PSG8: variants seen among roughly 807,000 people sequenced by gnomAD.
PSG8 encodes pregnancy-specific beta-1-glycoprotein 8.
Under a neutral mutation model 42.5 loss-of-function variants are expected in PSG8, and 57 were observed. The observed-to-expected ratio is 1.34, with a 90% CI of 1.08 to 1.67. PSG8 has a LOEUF of 1.67. PSG8 is among the 40% of genes most tolerant of loss of function. The pLI is 0.00. For synonymous variants in PSG8, 280 were observed against 196.8 expected (o/e 1.42, Z -3.54); for missense variants, 783 against 518.6 (o/e 1.51, Z -4.95).
chr19:42,763,582 C>T, intron 2 of PSG8: 1 of 403,166 alleles, frequency 2.5e-6, no homozygotes, highest in Non-Finnish European at 4.5e-6. Context: ...CTCCTCAGGC[C>T]AAGCCCTACT....
chr19:42,760,275 G>C (rs1020986584), intron 2 of PSG8, among the ~76,000 whole-genome samples: 2 of 152,070 alleles, frequency 1.3e-5, no homozygotes, highest in African/African-American at 4.8e-5. Context: ...TGTGGCAAAG[G>C]CAGTAAAACC....
intron 2 of PSG8, among the ~76,000 whole-genome samples, chr19:42,762,512 T>C (rs1382724168): frequency 6.6e-6 from 1 of 151,946 alleles, no homozygotes; most frequent in South Asian, 2.1e-4. Context: ...TAAAGAGGTT[T>C]TGGATCATTC....
chr19:42,753,278 G>T, downstream of PSG8: 2 of 779,786 alleles, frequency 2.6e-6, no homozygotes, highest in South Asian at 1.3e-5. Flanking sequence ...TCCACCTCCA[G>T]CTTATAGGGC....
chr19:42,763,767 G>C lies in PSG8; in HGVS notation c.430+149C>G, dbSNP rs537910614. The C allele has an allele frequency of 4.8e-6, 7 of 1,443,708 alleles. No individual in the cohort carries two copies. In the Admixed American group the frequency reaches 6.8e-5, roughly 14 times the overall value. 89.4% of individuals were successfully genotyped at this position (1,443,708 alleles called of 1,614,324 possible). A position where few individuals can be genotyped will look rare whatever the true frequency, so the allele number is the denominator to read the frequency against. ...TGATCTGTTGAAATTTGTCTCCTCT[G>C]TGTGTGTCCTGCACTAAATGCCCAA... On this transcript the variant is annotated intron_variant, in intron 2 of 4. Transcript: ENST00000306511.
downstream of PSG8, chr19:42,754,007 G>A (rs757461472): frequency 1.2e-4 from 97 of 779,954 alleles, no homozygotes; most frequent in Middle Eastern, 5.6e-4. Context: ...GAAAAATTCC[G>A]TCAATGTAGA....
At position 42,754,810 on chromosome 19, in the gene PSG8, T is replaced by A. The variant is rs1223161884; in HGVS notation, c.988+178A>T. 4 of 1,457,986 alleles carry A rather than the reference T, an allele frequency of 2.7e-6. No individual in the cohort carries two copies. In the African/African-American group the frequency reaches 5.7e-5, roughly 21 times the overall value. 90.3% of individuals were successfully genotyped at this position (1,457,986 alleles called of 1,614,324 possible). ...ATGACAAGAGCGTCCACTCCCCTTA[T>A]ACTCTTGGTTAAGGCTGTGCCTACC... is the stretch of plus-strand genomic sequence containing the variant. On this transcript the variant is annotated intron_variant, in intron 4 of 4. Transcript: ENST00000306511.
chr19:42,758,047 G>T lies in PSG8; in HGVS notation c.664C>A (p.Pro222Thr), dbSNP rs144055035. 6.6e-5 allele frequency: 106 copies of T among 1,613,908 alleles called. No individual in the cohort carries two copies. The highest frequency in any genetic ancestry group is 1.7e-4 in the African/African-American group (13 of 74,902). ...AGPYECEIRN[P>T]VSASRSDPFT... ...GGGTCACTGCGGCTGGCACTCACTG[G>T]GTTCCGTATTTCACATTCATAGGGT... The change falls in exon 3 of 5, where the codon CCA becomes ACA. Residue 222 changes from proline to threonine, a missense_variant. Physicochemically the swap from Pro to Thr is conservative, Grantham distance 38. Coordinates refer to ENST00000306511, the MANE Select transcript of PSG8 (RefSeq NM_182707.3).
intron 2 of PSG8, among the ~76,000 whole-genome samples, chr19:42,762,681 A>G (rs778952301): frequency 1.3e-5 from 2 of 151,940 alleles, no homozygotes; most frequent in Non-Finnish European, 2.9e-5. Context: ...ACAGGATTTC[A>G]GGTTCAGTGA....
Position 42,754,371 on chromosome 19 carries a change from C to T in PSG8, c.1205G>A (p.Gly402Asp), listed in dbSNP as rs1222942685. The change falls in exon 5 of 5, where the codon GGC becomes GAC. Residue 402 changes from glycine (G) to aspartate (D), a missense_variant. Coordinates refer to ENST00000306511, the MANE Select transcript of PSG8 (RefSeq NM_182707.3). ...TGTCATGGATTTGGAGCTTTCCTTG[C>T]CAGTGGCTGAGTTACGAACAGAGCA... Reference protein sequence around the residue: ...YACSVRNSATGKESSKSMTVK... With the variant: ...YACSVRNSATDKESSKSMTVK... 1.9e-6 allele frequency: 3 copies of T among 1,613,662 alleles called. No homozygotes were observed. Among genetic ancestry groups the T allele is most frequent in the Non-Finnish European group, 2.5e-6 (3 of 1,179,790 alleles).
chr19:42,757,628 A>G (rs1969959993), intron 3 of PSG8, among the ~76,000 whole-genome samples: 1 of 152,098 alleles, frequency 6.6e-6, no homozygotes, highest in African/African-American at 2.4e-5. Flanking sequence ...CACAGGCGAT[A>G]TTTTCAGAGG....
At chr19:42,754,853 G>A (rs1969876730) in intron 4 of PSG8, 135 bp downstream of exon 4, 2 of 1,527,620 alleles carry the variant, frequency 1.3e-6, no homozygotes, top group Non-Finnish European at 1.8e-6. Flanking sequence ...TCCCAGGGCA[G>A]GGAGTCATGG....
At chr19:42,761,029 A>ATGT (rs1970059785) in intron 2 of PSG8, among the ~76,000 whole-genome samples, 1 of 152,058 alleles carries the variant, frequency 6.6e-6, no homozygotes, top group Admixed American at 6.6e-5. Flanking sequence ...GCTCCATAGC[A>ATGT]GGTTGAGGAT....
In PSG8 at chr19:42,755,406, G is replaced by T. The variant is rs1969899337; in HGVS notation, c.710-140C>A. On this transcript the variant is annotated intron_variant, in intron 3 of 4. Coordinates refer to ENST00000306511, the MANE Select transcript of PSG8 (RefSeq NM_182707.3). The stretch of plus-strand genomic sequence containing the variant: ...CCAATAGCTGGTGCGTGTGTCACAA[G>T]ACAGATGCATGATGATCTAAGGGCT... 53 of 1,461,764 alleles carry T rather than the reference G, an allele frequency of 3.6e-5. 2 individuals carry two copies. In the South Asian group the frequency reaches 7.0e-4, roughly 19 times the overall value. 90.5% of individuals were successfully genotyped at this position (1,461,764 alleles called of 1,614,324 possible). A position where few individuals can be genotyped will look rare whatever the true frequency, so the allele number is the denominator to read the frequency against.
intron 2 of PSG8, 83 bp from the exon 3 acceptor site, chr19:42,758,363 C>A (rs1969987014): frequency 4.5e-6 from 7 of 1,556,094 alleles, no homozygotes; most frequent in Non-Finnish European, 5.2e-6. Flanking sequence ...GTTGGCATTT[C>A]CCACCTCTCA....
chr19:42,765,232 A>C (rs1970186869), intron 1 of PSG8, among the ~76,000 whole-genome samples: 1 of 150,638 alleles, frequency 6.6e-6, no homozygotes, highest in Middle Eastern at 3.2e-3. Flanking sequence ...AGCTAGCTGC[A>C]ACTTCTGCCT....
chr19:42,763,866 A>G, intron 2 of PSG8, 50 bp downstream of exon 2: 3 of 1,613,088 alleles, frequency 1.9e-6, no homozygotes, highest in East Asian at 2.2e-5. Flanking sequence ...TGTGTGAAGT[A>G]GAAGTGACCC....
Position 42,758,186 on chromosome 19 carries a change from G to A in PSG8, c.525C>T (p.Asp175=), listed in dbSNP as rs143424985. The change falls in exon 3 of 5, where the codon GAC becomes GAT. Residue 175 remains aspartate, a synonymous_variant. Coordinates refer to ENST00000306511, the MANE Select transcript of PSG8 (RefSeq NM_182707.3). ...VSLTCDPETP[D]ASYLWWMNGQ... ...CATTCATCCACCACAGGTAGCTTGC[G>A]TCCGGAGTCTCAGGATCACAGGTTA... 2.4e-5 allele frequency: 39 copies of A among 1,613,894 alleles called. 1 individual carries two copies. Among genetic ancestry groups the A allele is most frequent in the Admixed American group, 1.3e-4 (8 of 59,980 alleles).
Position 42,754,603 on chromosome 19 carries a change from T to G in PSG8, c.989-16A>C, listed in dbSNP as rs775725279. Reference sequence around the variant, plus strand: ...TCTGGACCATCTGGAGCAAAGAGAATAAAGCCACAGGTGATGTCATCTGAG... The same window carrying G: ...TCTGGACCATCTGGAGCAAAGAGAAGAAAGCCACAGGTGATGTCATCTGAG... On this transcript the variant is annotated splice_polypyrimidine_tract_variant and intron_variant, in intron 4 of 4. Transcript: ENST00000306511. 8 of 1,606,802 alleles carry G rather than the reference T, an allele frequency of 5.0e-6. No individual in the cohort carries two copies. Among genetic ancestry groups the G allele is most frequent in the Non-Finnish European group, 6.8e-6 (8 of 1,174,876 alleles).
At chr19:42,759,980 G>A (rs1970032560) in intron 2 of PSG8, among the ~76,000 whole-genome samples, 1 of 152,132 alleles carries the variant, frequency 6.6e-6, no homozygotes. Context: ...ATTACATAAA[G>A]GGAGGAATGA....
Sources: allele counts gnomAD v4.1 joint callset (sites outside exome capture counted in the v4.1 genomes callset), GRCh38; gene constraint gnomAD v4.1.1; transcripts MANE v1.5; gene names NCBI Gene and HGNC (gene_info 2026-07-23, HGNC 2026-07-21).